The following UBE2E2 variants were observed in gnomAD, a reference collection of about 807,000 sequenced individuals.
The protein encoded by UBE2E2 is ubiquitin conjugating enzyme E2 E2.
A neutral mutation model predicts 24.7 loss-of-function variants in UBE2E2; 6 were observed. The ratio of observed to expected loss-of-function variants is 0.24; its 90% CI spans 0.13 to 0.48. The LOEUF (loss-of-function observed/expected upper bound fraction) is 0.48. Among genes scored for constraint, UBE2E2 ranks in the 20% least tolerant of loss-of-function variants. The pLI is 0.99. For synonymous variants in UBE2E2, 104 were observed against 83.6 expected (o/e 1.24, Z -1.33); for missense variants, 169 against 245.0 (o/e 0.69, Z 2.07).
At position 23,474,784 on chromosome 3, in the gene UBE2E2, G is replaced by C. The variant is rs552176977; in HGVS notation, c.228-24824G>C. ...CAGCAGAAAAGGTGTCAGTGCTTCT[G>C]TCTGTGGTTTAATCCTCCTTCCTGT... On this transcript the variant is annotated intron_variant, in intron 3 of 5. Coordinates refer to ENST00000396703, the MANE Select transcript of UBE2E2 (RefSeq NM_152653.4). The surrounding 1 kb of genome is among the most constrained non-coding windows in gnomAD (Gnocchi z 4.0). Among the ~76,000 whole-genome samples the C allele has an allele frequency of 6.6e-6, 1 of 152,122 alleles. No individual in the cohort carries two copies. Among genetic ancestry groups the C allele is most frequent in the Admixed American group, 6.5e-5 (1 of 15,296 alleles).
chr3:23,301,335 G>A (rs775583678), intron 3 of UBE2E2, among the ~76,000 whole-genome samples: 3 of 152,146 alleles, frequency 2.0e-5, no homozygotes, highest in Non-Finnish European at 2.9e-5. Context: ...GAGGAGCTGC[G>A]TTCCTTTGGA....
intron 3 of UBE2E2, among the ~76,000 whole-genome samples, chr3:23,320,973 T>G (rs975986184): frequency 1.1e-4 from 17 of 152,238 alleles, no homozygotes; most frequent in African/African-American, 3.4e-4. Flanking sequence ...TAAAATCAAG[T>G]GTCTGCAGGG....
intron 3 of UBE2E2, among the ~76,000 whole-genome samples, chr3:23,349,883 G>C (rs1294171737): frequency 6.6e-6 from 1 of 152,190 alleles, no homozygotes; most frequent in Non-Finnish European, 1.5e-5. Context: ...AGAGAGCAGT[G>C]GTTCTCCCAG....
At chr3:23,415,229 G>A (rs539122439) in intron 3 of UBE2E2, among the ~76,000 whole-genome samples, 1 of 152,296 alleles carries the variant, frequency 6.6e-6, no homozygotes, top group South Asian at 2.1e-4. Context: ...TAAAAACACT[G>A]GATTCCTCTG....
chr3:23,287,141 G>A (rs1348048609), intron 3 of UBE2E2, among the ~76,000 whole-genome samples: 1 of 151,990 alleles, frequency 6.6e-6, no homozygotes, highest in Non-Finnish European at 1.5e-5. Context: ...TATCATGAAG[G>A]GATGTTGAAT....
At chr3:23,362,013 T>TA (rs1210995093) in intron 3 of UBE2E2, among the ~76,000 whole-genome samples, 4 of 152,110 alleles carry the variant, frequency 2.6e-5, no homozygotes, top group African/African-American at 9.7e-5. Flanking sequence ...AATAATTTCA[T>TA]AAAAAAGCTC....
intron 5 of UBE2E2, among the ~76,000 whole-genome samples, chr3:23,579,376 C>CCCTG (rs1475556284): frequency 1.8e-4 from 25 of 141,990 alleles, no homozygotes; most frequent in Middle Eastern, 3.5e-3. Flanking sequence ...CAGAGCAAGA[C>CCCTG]TCCATCTCAA....
intron 3 of UBE2E2, among the ~76,000 whole-genome samples, chr3:23,384,793 G>C (rs1358685904): frequency 6.6e-6 from 1 of 151,154 alleles, no homozygotes; most frequent in Non-Finnish European, 1.5e-5. Flanking sequence ...CGCCCACCTC[G>C]GCGTCCAAAA....
intron 3 of UBE2E2, among the ~76,000 whole-genome samples, chr3:23,492,754 C>CT (rs755659607): frequency 1.3e-5 from 2 of 152,160 alleles, no homozygotes; most frequent in East Asian, 1.9e-4. Flanking sequence ...GTTCTAAGCA[C>CT]TTTTTTTGTA....
chr3:23,461,400 G>A lies in UBE2E2; in HGVS notation c.228-38208G>A, dbSNP rs183720156. Among the ~76,000 whole-genome samples, 13 of 151,718 alleles carry A rather than the reference G, an allele frequency of 8.6e-5. No homozygotes were observed. In the East Asian group the frequency reaches 2.5e-3, roughly 29 times the overall value. ...AAACTGACCAATAAATGAGTATCAG[G>A]TCTTAGAGCTGTTCAGCAGTGTGGT... On this transcript the variant is annotated intron_variant, in intron 3 of 5. Transcript: ENST00000396703.
At chr3:23,454,644 G>A (rs991404382) in intron 3 of UBE2E2, among the ~76,000 whole-genome samples, 21 of 152,160 alleles carry the variant, frequency 1.4e-4, no homozygotes, top group African/African-American at 4.3e-4. Flanking sequence ...TCTTCCATCC[G>A]TGTGTGATGT....
At chr3:23,395,890 A>G (rs1353711962) in intron 3 of UBE2E2, among the ~76,000 whole-genome samples, 4 of 152,178 alleles carry the variant, frequency 2.6e-5, no homozygotes, top group Non-Finnish European at 5.9e-5. Context: ...TTATAGCTTC[A>G]CTAAATATAC....
At chr3:23,205,910 C>T (rs185519238) in intron 1 of UBE2E2, among the ~76,000 whole-genome samples, 194 of 152,074 alleles carry the variant, frequency 1.3e-3, no homozygotes, top group Non-Finnish European at 1.9e-3. Flanking sequence ...CTATGGCATT[C>T]GATAGTATGT....
At chr3:23,301,311 G>A (rs1041305208) in intron 3 of UBE2E2, among the ~76,000 whole-genome samples, 3 of 152,188 alleles carry the variant, frequency 2.0e-5, no homozygotes, top group Admixed American at 2.0e-4. Flanking sequence ...GTCCAGCTTT[G>A]TTCTGTTGCT....
chr3:23,445,142 A>G (rs1212566121), intron 3 of UBE2E2, among the ~76,000 whole-genome samples: 2 of 152,146 alleles, frequency 1.3e-5, no homozygotes, highest in African/African-American at 4.8e-5. Flanking sequence ...TGGTGAGAGG[A>G]AGCACCTTGG....
At chr3:23,277,845 A>T (rs1698404555) in intron 3 of UBE2E2, among the ~76,000 whole-genome samples, 1 of 152,132 alleles carries the variant, frequency 6.6e-6, no homozygotes, top group Non-Finnish European at 1.5e-5. Context: ...GATAACAGTC[A>T]ATAGTTAATT....
At chr3:23,534,326 C>T (rs1196920039) in intron 5 of UBE2E2, 2 of 810,844 alleles carry the variant, frequency 2.5e-6, no homozygotes, top group African/African-American at 1.9e-5. Flanking sequence ...GTTCAGTGAA[C>T]TAGTTTTTTT....
intron 5 of UBE2E2, among the ~76,000 whole-genome samples, chr3:23,540,306 A>C (rs912256166): frequency 6.6e-6 from 1 of 152,208 alleles, no homozygotes; most frequent in African/African-American, 2.4e-5. Flanking sequence ...TTAAGTTAGC[A>C]GTGGTGAACT....
intron 3 of UBE2E2, among the ~76,000 whole-genome samples, chr3:23,498,347 T>C (rs1197657389): frequency 1.3e-5 from 2 of 152,238 alleles, no homozygotes; most frequent in Non-Finnish European, 2.9e-5. Flanking sequence ...ATAAAAACTT[T>C]TCCTAGTCCC....
Sources: allele counts gnomAD v4.1 joint callset (sites outside exome capture counted in the v4.1 genomes callset), GRCh38; gene constraint gnomAD v4.1.1; non-coding constraint Gnocchi (gnomAD v3.1); transcripts MANE v1.5; gene names NCBI Gene and HGNC (gene_info 2026-07-23, HGNC 2026-07-21).